MYO16: variants seen among roughly 807,000 people sequenced by gnomAD.
MYO16 encodes the protein unconventional myosin-XVI.
A neutral mutation model predicts 205.3 loss-of-function variants in MYO16; 94 were observed. The observed-to-expected ratio is 0.46, with a 90% CI of 0.39 to 0.54. The LOEUF (loss-of-function observed/expected upper bound fraction) is 0.54. Among genes scored for constraint, MYO16 ranks in the 20% least tolerant of loss-of-function variants. The probability of loss-of-function intolerance (pLI) is 0.00; values close to 1 mark genes in which losing one functional copy is unlikely to be tolerated. For missense variants in MYO16, 2,315 were observed against 2,387.5 expected, an observed-to-expected ratio of 0.97 and a Z score of 0.63; for synonymous variants, 988 against 954.0, an observed-to-expected ratio of 1.04 and a Z score of -0.66.
chr13:109,097,926 A>G (rs1294229175), intron 27 of MYO16, among the ~76,000 whole-genome samples: 1 of 134,856 alleles, frequency 7.4e-6, no homozygotes, highest in Non-Finnish European at 1.6e-5. Flanking sequence ...CTTTTCAGTG[A>G]GAATGCTGAG....
At chr13:109,205,785 G>A (rs986660755) in intron 34 of MYO16, among the ~76,000 whole-genome samples, 1 of 152,194 alleles carries the variant, frequency 6.6e-6, no homozygotes, top group African/African-American at 2.4e-5. Context: ...AGTGACACAA[G>A]ATGATGTAGC....
chr13:109,065,434 GTA>G (rs1887715180), intron 27 of MYO16: 24 of 385,526 alleles, frequency 6.2e-5, no homozygotes, highest in South Asian at 4.7e-4. Flanking sequence ...TCCCCGATAT[GTA>G]TATGTTAGTT....
intron 4 of MYO16, among the ~76,000 whole-genome samples, chr13:108,748,087 C>G (rs901011757): frequency 1.3e-5 from 2 of 151,896 alleles, no homozygotes; most frequent in African/African-American, 4.8e-5. Context: ...TAATTCATGT[C>G]GAGATAGACT....
At chr13:109,000,179 T>C (rs1022753441) in intron 21 of MYO16, among the ~76,000 whole-genome samples, 14 of 152,226 alleles carry the variant, frequency 9.2e-5, no homozygotes, top group African/African-American at 3.4e-4. Context: ...TTAATCATTG[T>C]GGCTGTCCAG....
chr13:109,041,473 C>T (rs1246229276), intron 23 of MYO16, among the ~76,000 whole-genome samples: 1 of 152,138 alleles, frequency 6.6e-6, no homozygotes, highest in African/African-American at 2.4e-5. Flanking sequence ...CTCCATTTAA[C>T]GTCCTTAAAG....
At chr13:108,673,746 G>T (rs1269348264) in intron 2 of MYO16, among the ~76,000 whole-genome samples, 3 of 151,920 alleles carry the variant, frequency 2.0e-5, no homozygotes, top group Non-Finnish European at 4.4e-5. Context: ...TCTTAAATCT[G>T]TATCGAGACT....
intron 32 of MYO16, among the ~76,000 whole-genome samples, chr13:109,153,944 C>T (rs1877834755): frequency 6.6e-6 from 1 of 152,126 alleles, no homozygotes; most frequent in Non-Finnish European, 1.5e-5. Context: ...GTCATTTGTC[C>T]TTCCTGAGTG....
chr13:109,085,871 A>C (rs1221859254), intron 27 of MYO16, among the ~76,000 whole-genome samples: 1 of 152,190 alleles, frequency 6.6e-6, no homozygotes, highest in African/African-American at 2.4e-5. Context: ...TCCATACACT[A>C]TGGAAACAGA....
chr13:108,543,573 C>T, the MYO16 span, among the ~76,000 whole-genome samples: 2 of 137,130 alleles, frequency 1.5e-5, no homozygotes, highest in African/African-American at 3.0e-5. Flanking sequence ...ACCCAGGAGG[C>T]GGAGCTTGCA....
Position 108,629,781 on chromosome 13 carries a change from A to G in MYO16, c.-64A>G. 1 of 1,462,958 alleles carries G rather than the reference A, an allele frequency of 6.8e-7. No homozygotes were observed. 90.6% of individuals were successfully genotyped at this position (1,462,958 alleles called of 1,614,324 possible). On this transcript the variant is annotated 5_prime_UTR_variant, in exon 1 of 35. Coordinates refer to ENST00000457511, the MANE Select transcript of MYO16 (RefSeq NM_001198950.3). ...GGCTTTAAGTAATGCATTTCCTGGG[A>G]ACGACAGTTGTGACAGAAGAGAATG...
chr13:109,127,148 T>C lies in MYO16; in HGVS notation c.3783-134T>C, dbSNP rs894607917. 3.4e-6 allele frequency: 4 copies of C among 1,176,578 alleles called. No homozygotes were observed. In the African/African-American group the frequency reaches 4.6e-5, roughly 14 times the overall value. The allele number at this position is 1,176,578 out of a possible 1,614,324, so 72.9% of individuals were successfully genotyped here. The stretch of plus-strand genomic sequence containing the variant: ...ACTGGTCACCAGAGGGCTGCACACG[T>C]CCTCCAGCCACAGCAGGAAGGGCTG... On this transcript the variant is annotated intron_variant, in intron 30 of 34. Transcript: ENST00000457511. The surrounding 1 kb of genome is among the most constrained non-coding windows in gnomAD (Gnocchi z 4.2).
intron 2 of MYO16, among the ~76,000 whole-genome samples, chr13:108,668,119 A>G (rs1881822133): frequency 1.3e-5 from 2 of 152,342 alleles, no homozygotes; most frequent in Admixed American, 6.5e-5. Flanking sequence ...TGTTTAGGTT[A>G]GGGTTAAAAG....
chr13:108,739,361 A>C (rs9521001), intron 4 of MYO16, among the ~76,000 whole-genome samples: 111,510 of 151,978 alleles, frequency 0.73, 41,491 homozygotes, highest in Non-Finnish European at 0.8. Flanking sequence ...GTGTTTGCTT[A>C]TCTGTAAAGG....
chr13:109,007,273 A>C (rs1373435415), intron 21 of MYO16, among the ~76,000 whole-genome samples: 1 of 152,046 alleles, frequency 6.6e-6, no homozygotes, highest in Non-Finnish European at 1.5e-5. Context: ...CTGTAGTCCC[A>C]GCTACTCGGG....
At chr13:108,888,607 A>C (rs1880013461) in intron 14 of MYO16, 130 bp downstream of exon 14, 1 of 492,834 alleles carries the variant, frequency 2.0e-6, no homozygotes, top group Non-Finnish European at 3.6e-6. Flanking sequence ...AGAATAAAAA[A>C]TTATTGAGCT....
intron 4 of MYO16, among the ~76,000 whole-genome samples, chr13:108,739,262 C>A (rs9520999): frequency 0.67 from 101,519 of 151,914 alleles, 36,650 homozygotes; most frequent in Non-Finnish European, 0.8. Context: ...ATGTTTTTTT[C>A]AGTGGCTGGT....
At chr13:108,631,788 TAGA>T (rs1879991876) in intron 1 of MYO16, among the ~76,000 whole-genome samples, 1 of 152,132 alleles carries the variant, frequency 6.6e-6, no homozygotes. Context: ...GAACAAAATA[TAGA>T]AGAAGGCCGG....
At chr13:108,510,233 C>T in the MYO16 span, among the ~76,000 whole-genome samples, 2 of 152,016 alleles carry the variant, frequency 1.3e-5, no homozygotes, top group Admixed American at 6.6e-5. Context: ...TCTCCAGCCT[C>T]AGCCTCCCGA....
intron 4 of MYO16, among the ~76,000 whole-genome samples, chr13:108,731,007 TATGAG>T (rs1309559926): frequency 6.6e-6 from 1 of 152,244 alleles, no homozygotes; most frequent in Non-Finnish European, 1.5e-5. Flanking sequence ...TCTTTGTTCT[TATGAG>T]ATACAGTTTC....
Sources: allele counts gnomAD v4.1 joint callset (sites outside exome capture counted in the v4.1 genomes callset), GRCh38; gene constraint gnomAD v4.1.1; non-coding constraint Gnocchi (gnomAD v3.1); transcripts MANE v1.5; gene names NCBI Gene and HGNC (gene_info 2026-07-23, HGNC 2026-07-21).